PLCL1: variants seen among roughly 807,000 people sequenced by gnomAD.
PLCL1 encodes phospholipase C like 1 (inactive), also known as inactive phospholipase C-like protein 1.
Under a neutral mutation model 84.4 loss-of-function variants are expected in PLCL1, and 41 were observed. That is an observed-to-expected ratio of 0.49 (90% CI 0.38 to 0.63). PLCL1 has a LOEUF of 0.63. Ranked by LOEUF, PLCL1 falls within the 30% of genes least tolerant of loss-of-function variation. The probability of loss-of-function intolerance (pLI) is 0.00; values close to 1 mark genes in which losing one functional copy is unlikely to be tolerated. For synonymous variants in PLCL1, 490 were observed against 488.3 expected (o/e 1.00, Z -0.05); for missense variants, 1,206 against 1,367.8 (o/e 0.88, Z 1.87).
intron 1 of PLCL1, among the ~76,000 whole-genome samples, chr2:197,848,125 T>C (rs1003630656): frequency 1.3e-5 from 2 of 152,246 alleles, no homozygotes; most frequent in African/African-American, 4.8e-5. Flanking sequence ...AGTGAATTTA[T>C]TTCAGATGAA....
chr2:197,826,836 C>T (rs1239710488), intron 1 of PLCL1, among the ~76,000 whole-genome samples: 1 of 152,122 alleles, frequency 6.6e-6, no homozygotes, highest in East Asian at 1.9e-4. Context: ...ATACCTAGGC[C>T]TGGATATCTG....
chr2:198,138,764 A>G (rs1016678053), intron 5 of PLCL1, among the ~76,000 whole-genome samples: 3 of 152,132 alleles, frequency 2.0e-5, no homozygotes, highest in African/African-American at 7.2e-5. Flanking sequence ...CTTATTTTTT[A>G]TTATTGATAA....
chr2:197,957,384 T>C (rs1005979911), intron 1 of PLCL1, among the ~76,000 whole-genome samples: 19 of 152,118 alleles, frequency 1.2e-4, no homozygotes, highest in African/African-American at 4.3e-4. Context: ...TAATTGCTAG[T>C]TGAATGGGCC....
At chr2:197,888,274 G>C (rs1187973057) in intron 1 of PLCL1, among the ~76,000 whole-genome samples, 1 of 151,812 alleles carries the variant, frequency 6.6e-6, no homozygotes, top group Non-Finnish European at 1.5e-5. Context: ...AATTTGTAAA[G>C]ATTCCTCATA....
chr2:197,882,702 T>G (rs1054892063), intron 1 of PLCL1, among the ~76,000 whole-genome samples: 2 of 152,168 alleles, frequency 1.3e-5, no homozygotes, highest in African/African-American at 4.8e-5. Context: ...AGTAAAAAAC[T>G]TTCCTTTATG....
At chr2:198,091,613 G>A (rs1693037818) in intron 3 of PLCL1, among the ~76,000 whole-genome samples, 1 of 151,824 alleles carries the variant, frequency 6.6e-6, no homozygotes, top group African/African-American at 2.4e-5. Context: ...CTGGGAGGCG[G>A]AGGTTGCAGT....
chr2:197,995,914 G>C (rs1307953263), intron 1 of PLCL1, among the ~76,000 whole-genome samples: 1 of 152,186 alleles, frequency 6.6e-6, no homozygotes, highest in Non-Finnish European at 1.5e-5. Context: ...AGAGTTGAAA[G>C]GTTAAATTGT....
At chr2:198,066,065 A>G (rs1377500864) in intron 1 of PLCL1, among the ~76,000 whole-genome samples, 2 of 152,204 alleles carry the variant, frequency 1.3e-5, no homozygotes, top group Non-Finnish European at 2.9e-5. Flanking sequence ...AAATCCTGAG[A>G]TTACCAATAC....
In PLCL1 at chr2:198,085,276, G is replaced by A. The variant is rs769404805; in HGVS notation, c.1759G>A (p.Asp587Asn). The change falls in exon 2 of 6, where the codon GAT (aspartate) becomes AAT (asparagine). Residue 587 changes from aspartate to asparagine, a missense_variant. By Grantham distance (23) the Asp-to-Asn change is conservative. Coordinates refer to ENST00000428675, the MANE Select transcript of PLCL1 (RefSeq NM_006226.4). The surrounding 1 kb of genome is among the most constrained non-coding windows in gnomAD (Gnocchi z 5.3). Reference sequence around the variant, plus strand: ...AATCCGACTCTGTAGGGAGCTCTCTGATTTGGTGTCTATTTGTAAATCTGT... The same window carrying A: ...AATCCGACTCTGTAGGGAGCTCTCTAATTTGGTGTCTATTTGTAAATCTGT... Reference protein sequence around the residue: ...KQIRLCRELSDLVSICKSVQY... With the variant: ...KQIRLCRELSNLVSICKSVQY... The A allele has an allele frequency of 3.7e-6, 6 of 1,613,930 alleles. No individual in the cohort carries two copies. In the African/African-American group the frequency reaches 8.0e-5, roughly 22 times the overall value.
intron 3 of PLCL1, among the ~76,000 whole-genome samples, chr2:198,094,259 C>T (rs10200317): frequency 0.54 from 81,908 of 151,316 alleles, 24,507 homozygotes; most frequent in African/African-American, 0.8. Flanking sequence ...GACAGGGTTT[C>T]ACCATGTTAG....
At chr2:197,908,512 A>G (rs1338108765) in intron 1 of PLCL1, among the ~76,000 whole-genome samples, 1 of 152,178 alleles carries the variant, frequency 6.6e-6, no homozygotes, top group African/African-American at 2.4e-5. Flanking sequence ...CTTCCATGAG[A>G]TAGTCTTCAA....
chr2:198,020,368 A>C (rs1188260889), intron 1 of PLCL1, among the ~76,000 whole-genome samples: 6 of 152,194 alleles, frequency 3.9e-5, no homozygotes, highest in African/African-American at 1.4e-4. Context: ...TAATGACAGG[A>C]TCAAGTTCAC....
intron 1 of PLCL1, among the ~76,000 whole-genome samples, chr2:198,008,779 G>T (rs1315720010): frequency 2.0e-5 from 3 of 151,910 alleles, no homozygotes; most frequent in Non-Finnish European, 4.4e-5. Flanking sequence ...GAACCTCCAT[G>T]CTATTTTCTG....
At chr2:197,842,470 T>C (rs1257981701) in intron 1 of PLCL1, among the ~76,000 whole-genome samples, 3 of 152,066 alleles carry the variant, frequency 2.0e-5, no homozygotes, top group Non-Finnish European at 4.4e-5. Flanking sequence ...AAAATTGCCA[T>C]CCCCCATCAG....
chr2:198,124,560 G>A (rs531505256), intron 5 of PLCL1, among the ~76,000 whole-genome samples: 121 of 152,090 alleles, frequency 8.0e-4, no homozygotes, highest in Non-Finnish European at 1.5e-3. Context: ...TGGGAAATTG[G>A]GACCTAGGCT....
At chr2:197,806,432 A>G (rs1690482519) in intron 1 of PLCL1, among the ~76,000 whole-genome samples, 1 of 152,184 alleles carries the variant, frequency 6.6e-6, no homozygotes, top group Non-Finnish European at 1.5e-5. Context: ...GCATGTTGCA[A>G]GCTCCCAGCA....
chr2:197,833,367 A>G (rs573257400), intron 1 of PLCL1, among the ~76,000 whole-genome samples: 37 of 152,350 alleles, frequency 2.4e-4, no homozygotes, highest in Non-Finnish European at 4.7e-4. Context: ...ATATTCAAAT[A>G]GAAAGACAGG....
Position 198,023,345 on chromosome 2 carries a change from A to G in PLCL1, c.241-60413A>G, listed in dbSNP as rs183719116. ...ATTCAGGACATAAGCATGGGCAAAGACTTCAAGACTAAAACACCAAAAGCA... is the reference window on the plus strand; with the variant it reads ...ATTCAGGACATAAGCATGGGCAAAGGCTTCAAGACTAAAACACCAAAAGCA... On this transcript the variant is annotated intron_variant, in intron 1 of 5. Transcript: ENST00000428675. Among the ~76,000 whole-genome samples the G allele has an allele frequency of 2.0e-5, 3 of 152,378 alleles. No homozygotes were observed. The East Asian group carries it at 5.8e-4, about 29-fold the overall frequency.
chr2:197,917,628 A>C lies in PLCL1; in HGVS notation c.240+112289A>C, dbSNP rs893023220. ...CCTTAATGTATGCAAATGAAAAAATAATTTAAGGGGTTGGGGGATCCTAGG... is the reference window on the plus strand; with the variant it reads ...CCTTAATGTATGCAAATGAAAAAATCATTTAAGGGGTTGGGGGATCCTAGG... On this transcript the variant is annotated intron_variant, in intron 1 of 5. Transcript: ENST00000428675. Among the ~76,000 whole-genome samples the C allele has an allele frequency of 7.3e-4, 111 of 152,300 alleles. 1 individual carries two copies. The highest frequency in any genetic ancestry group is 2.6e-3 in the African/African-American group (109 of 41,582).
Sources: allele counts gnomAD v4.1 joint callset (sites outside exome capture counted in the v4.1 genomes callset), GRCh38; gene constraint gnomAD v4.1.1; non-coding constraint Gnocchi (gnomAD v3.1); transcripts MANE v1.5; gene names NCBI Gene and HGNC (gene_info 2026-07-23, HGNC 2026-07-21).